SGCZ: variants seen among roughly 807,000 people sequenced by gnomAD.
SGCZ encodes the protein zeta-sarcoglycan.
SGCZ carries 40 observed loss-of-function variants against 41.3 expected under a neutral mutation model. That is an observed-to-expected ratio of 0.97 (90% confidence interval 0.75 to 1.26). The LOEUF is 1.26. Ranked by LOEUF, SGCZ falls within the 50% of genes most tolerant of loss-of-function variation. SGCZ has a pLI of 0.00. For missense variants in SGCZ, 552 were observed against 369.8 expected (o/e 1.49, Z -4.04); for synonymous variants, 206 against 137.5 (o/e 1.50, Z -3.49).
At position 14,176,432 on chromosome 8, in the gene SGCZ, T is replaced by A. The variant is rs554330944; in HGVS notation, c.425-11730A>T. 1.1e-4 allele frequency among the ~76,000 whole-genome samples: 17 copies of A among 152,302 alleles called. No individual in the cohort carries two copies. In the South Asian group the frequency reaches 3.1e-3, roughly 28 times the overall value. ...TGAGCCAAATTCTAAATAACTGTAA[T>A]TAGTAAGTGTTTCAAACTGAATAAT... On this transcript the variant is annotated intron_variant, in intron 4 of 7. Coordinates refer to ENST00000382080, the MANE Select transcript of SGCZ (RefSeq NM_139167.4).
intron 1 of SGCZ, among the ~76,000 whole-genome samples, chr8:14,976,325 C>T (rs1421455748): frequency 2.6e-5 from 4 of 151,970 alleles, no homozygotes; most frequent in Admixed American, 1.3e-4. Context: ...GCCTGTCCCT[C>T]CCTATATATT....
At position 14,595,410 on chromosome 8, in the gene SGCZ, C is replaced by G. The variant is rs200517206; in HGVS notation, c.40-40484G>C. 8.8e-3 allele frequency among the ~76,000 whole-genome samples: 797 copies of G among 90,508 alleles called. 4 individuals are homozygous for G. The highest frequency in any genetic ancestry group is 0.03 in the African/African-American group (719 of 24,298). 59.4% of individuals were successfully genotyped at this position (90,508 alleles called of 152,430 possible). On this transcript the variant is annotated intron_variant, in intron 1 of 7. Coordinates refer to ENST00000382080, the MANE Select transcript of SGCZ (RefSeq NM_139167.4). ...TGCCTAACATGCACAAACACACACA[C>G]ACACACACACACACACACACACACA...
chr8:14,937,596 T>C (rs1800125935), intron 1 of SGCZ, among the ~76,000 whole-genome samples: 1 of 152,100 alleles, frequency 6.6e-6, no homozygotes, highest in African/African-American at 2.4e-5. Flanking sequence ...CATGAACATA[T>C]ATACGTACGC....
At chr8:14,876,494 G>A (rs1219163067) in intron 1 of SGCZ, among the ~76,000 whole-genome samples, 1 of 152,020 alleles carries the variant, frequency 6.6e-6, no homozygotes, top group Non-Finnish European at 1.5e-5. Flanking sequence ...GAAAATAGAA[G>A]TTTAGACTAG....
intron 1 of SGCZ, among the ~76,000 whole-genome samples, chr8:14,632,071 T>C (rs964777285): frequency 3.3e-5 from 5 of 152,034 alleles, no homozygotes; most frequent in Non-Finnish European, 7.4e-5. Flanking sequence ...GTTGAAAGAG[T>C]GCAGTGGCAC....
chr8:14,351,176 A>G (rs924979169), intron 2 of SGCZ, among the ~76,000 whole-genome samples: 1 of 152,150 alleles, frequency 6.6e-6, no homozygotes, highest in Admixed American at 6.5e-5. Flanking sequence ...TGCGTCTGTA[A>G]AAGAGCTACA....
In SGCZ at chr8:14,507,834, C is replaced by T. The variant is rs146510007; in HGVS notation, c.234+46898G>A. Among the ~76,000 whole-genome samples the T allele has an allele frequency of 8.2e-4, 124 of 150,576 alleles. 1 individual carries two copies. The East Asian group carries it at 0.016, about 19-fold the overall frequency. ...TTACCCAGGCTGGAGTGCAATGGCG[C>T]GATCTCAGCTTACCGCAATCTCTGC... is the stretch of plus-strand genomic sequence containing the variant. On this transcript the variant is annotated intron_variant, in intron 2 of 7. Transcript: ENST00000382080.
intron 1 of SGCZ, among the ~76,000 whole-genome samples, chr8:15,069,012 T>C (rs1331251281): frequency 1.3e-5 from 2 of 152,164 alleles, no homozygotes; most frequent in Admixed American, 1.3e-4. Flanking sequence ...CAAAAAATAC[T>C]CCCTACTGGA....
At chr8:14,494,671 A>C (rs1467180772) in intron 2 of SGCZ, among the ~76,000 whole-genome samples, 1 of 152,154 alleles carries the variant, frequency 6.6e-6, no homozygotes, top group Non-Finnish European at 1.5e-5. Context: ...GTCAAATAGT[A>C]GCATTTGAGA....
In SGCZ at chr8:15,178,545, G is replaced by C. The variant is rs115542254; in HGVS notation, c.39+59040C>G. On this transcript the variant is annotated intron_variant, in intron 1 of 7. Transcript: ENST00000382080. Reference sequence around the variant, plus strand: ...AAACTACCTGTGCCCCTTATTCTTTGTTTATTGTATAATAATACATTGTTG... The same window carrying C: ...AAACTACCTGTGCCCCTTATTCTTTCTTTATTGTATAATAATACATTGTTG... 3.6e-3 allele frequency among the ~76,000 whole-genome samples: 554 copies of C among 152,240 alleles called. 2 individuals are homozygous for C. The highest frequency in any genetic ancestry group is 0.013 in the African/African-American group (527 of 41,550).
At position 14,596,786 on chromosome 8, in the gene SGCZ, A is replaced by G. The variant is rs1805426375; in HGVS notation, c.40-41860T>C. ...AAACCACCATGGCACATGTATACCT[A>G]TGTAACAAACCTGCACATTTTGCAC... On this transcript the variant is annotated intron_variant, in intron 1 of 7. Coordinates refer to ENST00000382080, the MANE Select transcript of SGCZ (RefSeq NM_139167.4). Among the ~76,000 whole-genome samples the G allele has an allele frequency of 2.0e-5, 3 of 152,198 alleles. No individual in the cohort carries two copies. The South Asian group carries it at 6.2e-4, about 32-fold the overall frequency.
At chr8:14,732,495 C>T (rs892179542) in intron 1 of SGCZ, among the ~76,000 whole-genome samples, 1 of 152,100 alleles carries the variant, frequency 6.6e-6, no homozygotes, top group African/African-American at 2.4e-5. Context: ...TTCTCTAAGC[C>T]CTCTGCATGT....
At chr8:14,371,980 A>G (rs1451402318) in intron 2 of SGCZ, among the ~76,000 whole-genome samples, 6 of 152,120 alleles carry the variant, frequency 3.9e-5, no homozygotes, top group Non-Finnish European at 8.8e-5. Flanking sequence ...GAAGAAAACA[A>G]AAGCTAAATT....
At position 15,028,749 on chromosome 8, in the gene SGCZ, C is replaced by A. The variant is rs181595842; in HGVS notation, c.39+208836G>T. ...CTTTTCTGGATGCGAGAGATAGGTT[C>A]TTTTATTTATGAGGTTAAGATCTTC... is the stretch of plus-strand genomic sequence containing the variant. On this transcript the variant is annotated intron_variant, in intron 1 of 7. Coordinates refer to ENST00000382080, the MANE Select transcript of SGCZ (RefSeq NM_139167.4). Among the ~76,000 whole-genome samples, 6 of 152,106 alleles carry A rather than the reference C, an allele frequency of 3.9e-5. No homozygotes were observed. In the East Asian group the frequency reaches 1.2e-3, roughly 29 times the overall value.
chr8:14,446,929 A>G (rs1178843971), intron 2 of SGCZ, among the ~76,000 whole-genome samples: 3 of 152,236 alleles, frequency 2.0e-5, no homozygotes, highest in Admixed American at 2.0e-4. Flanking sequence ...ATATAATTCA[A>G]CACTAGTTTC....
intron 2 of SGCZ, among the ~76,000 whole-genome samples, chr8:14,552,921 C>T (rs1436596396): frequency 6.6e-6 from 1 of 152,040 alleles, no homozygotes; most frequent in Non-Finnish European, 1.5e-5. Flanking sequence ...CTTGTCGCAT[C>T]ATTCATGAGC....
At chr8:14,885,587 G>A (rs565389341) in intron 1 of SGCZ, among the ~76,000 whole-genome samples, 37 of 152,110 alleles carry the variant, frequency 2.4e-4, no homozygotes, top group African/African-American at 8.2e-4. Context: ...TTTTCACTGA[G>A]GGAAGGTGTC....
chr8:14,180,058 G>T (rs1243175289), intron 4 of SGCZ, among the ~76,000 whole-genome samples: 1 of 152,116 alleles, frequency 6.6e-6, no homozygotes, highest in Non-Finnish European at 1.5e-5. Context: ...CAATGAGAAT[G>T]GTACCTGCAG....
At chr8:14,210,032 T>C (rs1174670857) in intron 4 of SGCZ, among the ~76,000 whole-genome samples, 1 of 151,900 alleles carries the variant, frequency 6.6e-6, no homozygotes, top group East Asian at 1.9e-4. Context: ...CAACTTGTTA[T>C]CTACACTATT....
Sources: allele counts gnomAD v4.1 joint callset (sites outside exome capture counted in the v4.1 genomes callset), GRCh38; gene constraint gnomAD v4.1.1; transcripts MANE v1.5; gene names NCBI Gene and HGNC (gene_info 2026-07-23, HGNC 2026-07-21).